KAZN: variants seen among roughly 807,000 people sequenced by gnomAD.
KAZN encodes kazrin.
Under a neutral mutation model 87.4 loss-of-function variants are expected in KAZN, and 40 were observed. The ratio of observed to expected loss-of-function variants is 0.46; its 90% CI spans 0.36 to 0.60. The LOEUF is 0.60. Ranked by LOEUF, KAZN falls within the 20% of genes least tolerant of loss-of-function variation. KAZN has a pLI of 0.00. For synonymous variants in KAZN, 466 were observed against 458.3 expected (o/e 1.02, Z -0.22); for missense variants, 898 against 1,073.9 (o/e 0.84, Z 2.29).
At chr1:13,980,899 C>G (rs996052906) in intron 1 of KAZN, among the ~76,000 whole-genome samples, 1 of 151,528 alleles carries the variant, frequency 6.6e-6, no homozygotes, top group African/African-American at 2.4e-5. Flanking sequence ...TCTGGATGGT[C>G]TGTCTAGCAT....
Position 15,115,275 on chromosome 1 carries a change from G to A in KAZN, c.*640G>A, listed in dbSNP as rs1641804315. On this transcript the variant is annotated 3_prime_UTR_variant, in exon 15 of 15. Transcript: ENST00000376030. The surrounding 1 kb of genome is among the most constrained non-coding windows in gnomAD (Gnocchi z 4.1). ...CACATGGGGGTGGACGTATTGAAGA[G>A]CTGTTTGCCGATCCACCCAGGAGTG... is the stretch of plus-strand genomic sequence containing the variant. 6.6e-6 allele frequency: 1 copy of A among 152,350 alleles called. No individual in the cohort carries two copies. Among genetic ancestry groups the A allele is most frequent in the Non-Finnish European group, 1.5e-5 (1 of 68,148 alleles). The allele number at this position is 152,350 out of a possible 1,614,324, so 9.4% of individuals were successfully genotyped here.
At chr1:14,394,194 T>C (rs1488031615) in intron 2 of KAZN, among the ~76,000 whole-genome samples, 2 of 152,270 alleles carry the variant, frequency 1.3e-5, no homozygotes, top group African/African-American at 4.8e-5. Context: ...TTTTCCTATT[T>C]GCTTTAGTGT....
chr1:14,915,652 T>A (rs527500584), intron 1 of KAZN, among the ~76,000 whole-genome samples: 8 of 152,220 alleles, frequency 5.3e-5, no homozygotes, highest in Non-Finnish European at 1.2e-4. Flanking sequence ...CAGGCATGCA[T>A]TCTCCATAAC....
At chr1:13,983,295 C>T (rs886902038) in intron 1 of KAZN, among the ~76,000 whole-genome samples, 5 of 152,358 alleles carry the variant, frequency 3.3e-5, no homozygotes, top group East Asian at 3.9e-4. Flanking sequence ...CTGCAGGTCC[C>T]GAGCCCTGCC....
chr1:14,974,539 T>C (rs1005615433), intron 2 of KAZN, among the ~76,000 whole-genome samples: 2 of 152,158 alleles, frequency 1.3e-5, no homozygotes, highest in Non-Finnish European at 2.9e-5. Flanking sequence ...TAGCAGCTTA[T>C]TTTTAATAGC....
At chr1:14,544,516 G>A (rs368903019) in intron 2 of KAZN, among the ~76,000 whole-genome samples, 2 of 151,784 alleles carry the variant, frequency 1.3e-5, no homozygotes, top group African/African-American at 4.8e-5. Context: ...AAATTCAAAA[G>A]TGCTAATGTC....
chr1:14,785,818 A>G (rs1397241337), intron 1 of KAZN, among the ~76,000 whole-genome samples: 3 of 152,336 alleles, frequency 2.0e-5, no homozygotes, highest in African/African-American at 7.2e-5. Flanking sequence ...TTCTCACTGC[A>G]GAGCTGTGCT....
intron 2 of KAZN, among the ~76,000 whole-genome samples, chr1:14,418,818 G>T (rs1183117783): frequency 1.2e-4 from 19 of 152,012 alleles, no homozygotes; most frequent in Non-Finnish European, 2.9e-5. Flanking sequence ...GAATCCCTCA[G>T]AGTCTTGTGA....
intron 2 of KAZN, among the ~76,000 whole-genome samples, chr1:14,283,588 T>C (rs984294154): frequency 2.0e-5 from 3 of 152,168 alleles, no homozygotes; most frequent in Non-Finnish European, 4.4e-5. Context: ...AATTAGGTAA[T>C]AGCAAGTGTT....
chr1:14,865,213 C>G (rs79271279), intron 1 of KAZN, among the ~76,000 whole-genome samples: 2,439 of 152,230 alleles, frequency 0.016, 39 homozygotes, highest in Non-Finnish European at 0.024. Flanking sequence ...CATCTGGAGG[C>G]ACCAAGAGGA....
rs550264272 is a variant in KAZN at position 14,383,304 on chromosome 1, A to G, written c.249+202712A>G. Among the ~76,000 whole-genome samples, 27 of 149,730 alleles carry G rather than the reference A, an allele frequency of 1.8e-4. No homozygotes were observed. In the East Asian group the frequency reaches 4.3e-3, roughly 24 times the overall value. ...GATGGTAGTTTCTTTTGCTGTGCAG[A>G]AGCTCTTTAGTTTAATTAGATCCCA... On this transcript the variant is annotated intron_variant, in intron 2 of 16. Transcript: ENST00000636203.
At chr1:14,583,390 A>C (rs1446375265) in intron 2 of KAZN, among the ~76,000 whole-genome samples, 1 of 152,222 alleles carries the variant, frequency 6.6e-6, no homozygotes, top group Non-Finnish European at 1.5e-5. Context: ...GAACACCTGC[A>C]ATCCAGTTTC....
intron 2 of KAZN, among the ~76,000 whole-genome samples, chr1:14,282,102 A>G (rs957295146): frequency 2.4e-4 from 36 of 152,240 alleles, no homozygotes; most frequent in Non-Finnish European, 3.5e-4. Context: ...TGTTACCTGA[A>G]AAATAAAAGA....
At chr1:14,394,484 G>T (rs1277216394) in intron 2 of KAZN, among the ~76,000 whole-genome samples, 1 of 152,234 alleles carries the variant, frequency 6.6e-6, no homozygotes, top group Non-Finnish European at 1.5e-5. Flanking sequence ...AATAATAAGT[G>T]ATGGTATTTG....
At chr1:14,323,978 C>G (rs1656227598) in intron 2 of KAZN, among the ~76,000 whole-genome samples, 1 of 152,142 alleles carries the variant, frequency 6.6e-6, no homozygotes, top group Non-Finnish European at 1.5e-5. Flanking sequence ...CTTTCCTTTT[C>G]TATTTGCAAA....
intron 14 of KAZN, chr1:15,113,337 T>C (rs940017309): frequency 6.6e-6 from 1 of 152,056 alleles, no homozygotes; most frequent in African/African-American, 2.4e-5. Context: ...CAAATGTACA[T>C]ATGGTACGGA....
chr1:14,754,537 G>A (rs1346689047), intron 1 of KAZN, among the ~76,000 whole-genome samples: 2 of 152,186 alleles, frequency 1.3e-5, no homozygotes, highest in African/African-American at 4.8e-5. Flanking sequence ...GGAGGCTGAG[G>A]CAAGAGGATC....
At chr1:13,910,539 C>G (rs530363284) in intron 1 of KAZN, among the ~76,000 whole-genome samples, 21 of 151,872 alleles carry the variant, frequency 1.4e-4, no homozygotes, top group South Asian at 1.0e-3. Context: ...ACCTCCCCCA[C>G]CTTGCTCCTG....
chr1:13,952,944 A>G (rs1641408830), intron 1 of KAZN, among the ~76,000 whole-genome samples: 1 of 152,170 alleles, frequency 6.6e-6, no homozygotes. Context: ...ATTTCCTAAG[A>G]TATAGGGAGA....
Sources: gnomAD v4.1 joint callset for allele counts (sites outside exome capture counted in the v4.1 genomes callset) on GRCh38, gnomAD v4.1.1 for gene constraint, Gnocchi (gnomAD v3.1) non-coding constraint, MANE v1.5 for transcripts, NCBI Gene and HGNC (gene_info 2026-07-23, HGNC 2026-07-21) for gene names.